VDR: variants seen among roughly 807,000 people sequenced by gnomAD.
VDR encodes the protein vitamin D receptor, also known as vitamin D3 receptor.
In VDR, 19 loss-of-function variants were observed where a neutral mutation model predicts 39.7. That is an observed-to-expected ratio of 0.48 (90% CI 0.33 to 0.70). VDR has a LOEUF of 0.70. Among genes scored for constraint, VDR ranks in the 30% least tolerant of loss-of-function variants. The probability of loss-of-function intolerance (pLI) is 0.02; values close to 1 mark genes in which losing one functional copy is unlikely to be tolerated. For missense variants in VDR, 442 were observed against 570.5 expected (o/e 0.77, Z 2.29); for synonymous variants, 242 against 215.8 (o/e 1.12, Z -1.07).
At chr12:47,873,591 G>A (rs570433578) in intron 3 of VDR, among the ~76,000 whole-genome samples, 134 of 151,696 alleles carry the variant, frequency 8.8e-4, no homozygotes, top group African/African-American at 3.0e-3. Context: ...TCGATCTCCT[G>A]ACCTCGTGAT....
chr12:47,873,351 C>CTTTTTTTTTT lies in VDR; in HGVS notation c.146+5607_146+5616dup, dbSNP rs71077177. On this transcript the variant is annotated intron_variant, in intron 3 of 9. Transcript: ENST00000549336. ...ACCATGAGTCAATTAAACCTGTTTT[C>CTTTTTTTTTT]TTTTTTTTTTTTTTTTTTTTTTTTT... Among the ~76,000 whole-genome samples, 417 of 98,376 alleles carry CTTTTTTTTTT rather than the reference C, an allele frequency of 4.2e-3. 54 individuals carry two copies. The highest frequency in any genetic ancestry group is 0.013 in the East Asian group (30 of 2,324). 64.5% of individuals were successfully genotyped at this position (98,376 alleles called of 152,430 possible).
chr12:47,857,121 C>T lies in VDR; in HGVS notation c.583+8G>A, dbSNP rs541417570. The T allele has an allele frequency of 6.2e-7, 1 of 1,614,122 alleles. No homozygotes were observed. Among genetic ancestry groups the T allele is most frequent in the East Asian group, 2.2e-5 (1 of 44,884 alleles). ...CCTTACTCTATGGAGGACTGAAGTCCTGCTTACCTGAAGAGGTGATACAGT... is the reference window on the plus strand; with the variant it reads ...CCTTACTCTATGGAGGACTGAAGTCTTGCTTACCTGAAGAGGTGATACAGT... On this transcript the variant is annotated splice_region_variant and intron_variant, in intron 6 of 9. Transcript: ENST00000549336.
At chr12:47,854,626 T>C (rs779811427) in intron 7 of VDR, among the ~76,000 whole-genome samples, 28 of 152,222 alleles carry the variant, frequency 1.8e-4, no homozygotes, top group Non-Finnish European at 2.6e-4. Flanking sequence ...AGGATTCCAG[T>C]CAAGCCAGCT....
Position 47,848,555 on chromosome 12 carries a change from C to CTTTTTTT in VDR, c.756-1754_756-1748dup, listed in dbSNP as rs1162881183. Among the ~76,000 whole-genome samples the CTTTTTTT allele has an allele frequency of 5.8e-3, 335 of 58,160 alleles. 45 individuals are homozygous for CTTTTTTT. The highest frequency in any genetic ancestry group is 6.5e-3 in the Non-Finnish European group (228 of 34,814). 38.2% of individuals were successfully genotyped at this position (58,160 alleles called of 152,430 possible). A position where few individuals can be genotyped will look rare whatever the true frequency, so the allele number is the denominator to read the frequency against. Reference sequence around the variant, plus strand: ...CTCTTTACATGCTTGTTTTCTACTCCTTTTTTTTTTTTTTTTTTTTTTTTT... The same window carrying CTTTTTTT: ...CTCTTTACATGCTTGTTTTCTACTCCTTTTTTTTTTTTTTTTTTTTTTTTTTTTTTTT... On this transcript the variant is annotated intron_variant, in intron 7 of 9. Coordinates refer to ENST00000549336, the MANE Select transcript of VDR (RefSeq NM_000376.3).
chr12:47,858,133 C>T (rs989306189), intron 4 of VDR, among the ~76,000 whole-genome samples: 1 of 152,128 alleles, frequency 6.6e-6, no homozygotes, highest in Admixed American at 6.5e-5. Flanking sequence ...ATACCTGCCT[C>T]AAAGGATCAA....
At chr12:47,902,214 C>T (rs771355591) in intron 1 of VDR, among the ~76,000 whole-genome samples, 3 of 152,178 alleles carry the variant, frequency 2.0e-5, no homozygotes, top group Non-Finnish European at 4.4e-5. Context: ...TCAGAAGTAT[C>T]CCAGTTTGCA....
intron 1 of VDR, among the ~76,000 whole-genome samples, chr12:47,897,387 G>T (rs1202256780): frequency 6.6e-6 from 1 of 152,198 alleles, no homozygotes; most frequent in Non-Finnish European, 1.5e-5. Context: ...GGGATGGCTG[G>T]AGAAGGTAGA....
Position 47,882,781 on chromosome 12 carries a change from T to C in VDR, c.-83-7A>G. ...ACTTCAGACCCAAAGGCTTCTGAAA[T>C]GAAGAAGGGGAAACCTTTTATCTAA... On this transcript the variant is annotated splice_region_variant and splice_polypyrimidine_tract_variant and intron_variant, in intron 1 of 9. Coordinates refer to ENST00000549336, the MANE Select transcript of VDR (RefSeq NM_000376.3). The C allele has an allele frequency of 6.5e-7, 1 of 1,534,838 alleles. No individual in the cohort carries two copies. The highest frequency in any genetic ancestry group is 1.2e-5 in the South Asian group (1 of 83,952).
chr12:47,888,683 T>C (rs996358089), intron 1 of VDR, among the ~76,000 whole-genome samples: 34 of 152,108 alleles, frequency 2.2e-4, no homozygotes, highest in African/African-American at 7.7e-4. Context: ...TGCAGTTCAA[T>C]CTCTCTGGTT....
At chr12:47,882,003 T>TG (rs1239850386) in intron 2 of VDR, among the ~76,000 whole-genome samples, 1 of 152,058 alleles carries the variant, frequency 6.6e-6, no homozygotes, top group Non-Finnish European at 1.5e-5. Context: ...AGAAATCAAA[T>TG]GGGGGGTAGG....
chr12:47,846,275 T>C, intron 9 of VDR, 60 bp downstream of exon 9: 1 of 1,506,734 alleles, frequency 6.6e-7, no homozygotes. Context: ...TCAGCAGGTC[T>C]TTGTCCTTCA....
chr12:47,884,575 C>T (rs1436819673), intron 1 of VDR, among the ~76,000 whole-genome samples: 4 of 152,186 alleles, frequency 2.6e-5, no homozygotes. Flanking sequence ...TCATAAGAGC[C>T]TCCTCCAGTG....
At chr12:47,847,353 C>T (rs1282280465) in intron 7 of VDR, among the ~76,000 whole-genome samples, 6 of 149,130 alleles carry the variant, frequency 4.0e-5, no homozygotes, top group African/African-American at 1.5e-4. Context: ...AGACTTGTGT[C>T]TCTCCAGTCT....
Sources: allele counts gnomAD v4.1 joint callset (sites outside exome capture counted in the v4.1 genomes callset), GRCh38; gene constraint gnomAD v4.1.1; transcripts MANE v1.5; gene names NCBI Gene and HGNC (gene_info 2026-07-23, HGNC 2026-07-21).